C9orf40: variants seen among roughly 807,000 people sequenced by gnomAD.
The protein encoded by C9orf40 is uncharacterized protein C9orf40.
A neutral mutation model predicts 7.9 loss-of-function variants in C9orf40; 2 were observed. The ratio of observed to expected loss-of-function variants is 0.25; its 90% CI spans 0.10 to 0.80. The LOEUF is 0.80. Ranked by LOEUF, C9orf40 falls within the 30% of genes least tolerant of loss-of-function variation. The pLI, the probability that C9orf40 is intolerant of heterozygous loss-of-function variation, is 0.68. For synonymous variants in C9orf40, 113 were observed against 117.6 expected, an observed-to-expected ratio of 0.96 and a Z score of 0.25; for missense variants, 256 against 268.5, an observed-to-expected ratio of 0.95 and a Z score of 0.33.
At chr9:74,948,321 T>C in intron 1 of C9orf40, 115 bp from the exon 2 acceptor site, 1 of 625,934 alleles carries the variant, frequency 1.6e-6, no homozygotes, top group Non-Finnish European at 2.6e-6. Context: ...TAATCTTCTA[T>C]TTTGTATTTT....
chr9:74,948,771 G>C (rs1181758012), intron 1 of C9orf40, among the ~76,000 whole-genome samples: 1 of 152,146 alleles, frequency 6.6e-6, no homozygotes, highest in Non-Finnish European at 1.5e-5. Context: ...ACATGACCTA[G>C]TGGCTACTGT....
chr9:74,948,733 A>G (rs1334057949), intron 1 of C9orf40, among the ~76,000 whole-genome samples: 1 of 151,988 alleles, frequency 6.6e-6, no homozygotes, highest in African/African-American at 2.4e-5. Context: ...TTTATTAAAG[A>G]TAAAAAAAAA....
At chr9:74,951,428 A>T (rs1172981225) in intron 1 of C9orf40, among the ~76,000 whole-genome samples, 2 of 152,024 alleles carry the variant, frequency 1.3e-5, no homozygotes, top group African/African-American at 4.8e-5. Context: ...AGTAGCTGTG[A>T]TTACGGGCAT....
In C9orf40 at chr9:74,952,269, C is replaced by A. The variant is rs2118682106; in HGVS notation, c.343G>T (p.Ala115Ser). 7.9e-7 allele frequency: 1 copy of A among 1,266,330 alleles called. No individual in the cohort carries two copies. The highest frequency in any genetic ancestry group is 1.6e-5 in the African/African-American group (1 of 64,386). 78.4% of individuals were successfully genotyped at this position (1,266,330 alleles called of 1,614,324 possible). Residue 115 changes from alanine to serine, a missense_variant, in exon 1 of 2, where the codon GCC (alanine) becomes TCC (serine). By Grantham distance (99) the Ala-to-Ser change is moderately conservative (BLOSUM62 1). Coordinates refer to ENST00000376854, the MANE Select transcript of C9orf40 (RefSeq NM_017998.3). This position sits in a 1 kb window ranked among gnomAD's most constrained non-coding sequence, Gnocchi z 5.4. ...TCGCCACCGCCCCCCGGGAGCCGGG[C>A]GCCCGGGAGCTCCTCCCCCGGCCCC... ...LPGPGEELPG[A>S]RLPGGGGDDG...
chr9:74,952,177 A>AACAGGG lies in C9orf40; in HGVS notation c.426+8_426+9insCCCTGT. On this transcript the variant is annotated intron_variant, in intron 1 of 1. Coordinates refer to ENST00000376854, the MANE Select transcript of C9orf40 (RefSeq NM_017998.3). The surrounding 1 kb of genome is among the most constrained non-coding windows in gnomAD (Gnocchi z 5.4). The stretch of plus-strand genomic sequence containing the variant: ...TTCGCCCCTCAGCCCACCCGCCCCC[A>AACAGGG]GCCCCTACCTGGCGCGATGCGACCC... 1 of 105,402 alleles carries AACAGGG rather than the reference A, an allele frequency of 9.5e-6. No individual in the cohort carries two copies. The highest frequency in any genetic ancestry group is 1.6e-5 in the Non-Finnish European group (1 of 64,288). 6.5% of individuals were successfully genotyped at this position (105,402 alleles called of 1,614,324 possible).
Position 74,952,904 on chromosome 9 carries a change from G to C in C9orf40, c.-293C>G. ...TCGAACCTGCGCACAACGTGCGCGC[G>C]CGCACTCTGTCTGGCCAGGCGGAGC... On this transcript the variant is annotated 5_prime_UTR_variant, in exon 1 of 2. Transcript: ENST00000376854. The surrounding 1 kb of genome is among the most constrained non-coding windows in gnomAD (Gnocchi z 5.4). 2.6e-6 allele frequency: 1 copy of C among 389,018 alleles called. No individual in the cohort carries two copies. The highest frequency in any genetic ancestry group is 4.6e-6 in the Non-Finnish European group (1 of 216,414). The allele number at this position is 389,018 out of a possible 1,614,324, so 24.1% of individuals were successfully genotyped here. A position where few individuals can be genotyped will look rare whatever the true frequency, so the allele number is the denominator to read the frequency against.
Position 74,948,117 on chromosome 9 carries a change from A to G in C9orf40, c.516T>C (p.Ser172=). The part of the protein sequence containing the change: ...PIDLADIEDL[S]EDTLTEATLQ... ...GTGTTGCTTCTGTCAGGGTGTCTTC[A>G]CTTAAATCTTCAATGTCTGCCAGAT... is the stretch of plus-strand genomic sequence containing the variant. The change falls in exon 2 of 2, where the codon AGT becomes AGC. Residue 172 remains serine (S), a synonymous_variant. Coordinates refer to ENST00000376854, the MANE Select transcript of C9orf40 (RefSeq NM_017998.3). 1 of 1,614,084 alleles carries G rather than the reference A, an allele frequency of 6.2e-7. No individual in the cohort carries two copies. The highest frequency in any genetic ancestry group is 8.5e-7 in the Non-Finnish European group (1 of 1,179,954).
At position 74,952,292 on chromosome 9, in the gene C9orf40, C is replaced by T. The variant is rs1832310974; in HGVS notation, c.320G>A (p.Gly107Glu). ...PPLPPPPVLP[G>E]PGEELPGARL... ...GGCGCCCGGGAGCTCCTCCCCCGGCCCCGGCAGTACGGGCGGCGGCGGCAG... is the reference window on the plus strand; with the variant it reads ...GGCGCCCGGGAGCTCCTCCCCCGGCTCCGGCAGTACGGGCGGCGGCGGCAG... The change falls in exon 1 of 2, where the codon GGG (glycine) becomes GAG (glutamate). Residue 107 changes from glycine to glutamate, a missense_variant. Coordinates refer to ENST00000376854, the MANE Select transcript of C9orf40 (RefSeq NM_017998.3). The surrounding 1 kb of genome is among the most constrained non-coding windows in gnomAD (Gnocchi z 5.4). 3.8e-6 allele frequency: 5 copies of T among 1,326,494 alleles called. No individual in the cohort carries two copies. In the African/African-American group the frequency reaches 4.5e-5, roughly 12 times the overall value. The allele number at this position is 1,326,494 out of a possible 1,614,324, so 82.2% of individuals were successfully genotyped here.
chr9:74,947,563 C>T lies in C9orf40; in HGVS notation c.*485G>A, dbSNP rs993094657. The T allele has an allele frequency of 6.5e-6, 1 of 152,676 alleles. No individual in the cohort carries two copies. The highest frequency in any genetic ancestry group is 2.4e-5 in the African/African-American group (1 of 41,410). 9.5% of individuals were successfully genotyped at this position (152,676 alleles called of 1,614,324 possible). A position where few individuals can be genotyped will look rare whatever the true frequency, so the allele number is the denominator to read the frequency against. On this transcript the variant is annotated 3_prime_UTR_variant, in exon 2 of 2. Coordinates refer to ENST00000376854, the MANE Select transcript of C9orf40 (RefSeq NM_017998.3). ...TAAAACAATAGCTTTTACAACAATC[C>T]CGCCCATCTTAAGTTTGCATAGATG...
rs1832309268 is a variant in C9orf40 at position 74,952,207 on chromosome 9, G to A, written c.405C>T (p.Asp135=). 6 of 525,046 alleles carry A rather than the reference G, an allele frequency of 1.1e-5. No individual in the cohort carries two copies. The highest frequency in any genetic ancestry group is 1.4e-5 in the Non-Finnish European group (6 of 425,108). The allele number at this position is 525,046 out of a possible 1,614,324, so 32.5% of individuals were successfully genotyped here. The change falls in exon 1 of 2, where the codon GAC becomes GAT. Residue 135 remains aspartate (D), a synonymous_variant. Coordinates refer to ENST00000376854, the MANE Select transcript of C9orf40 (RefSeq NM_017998.3). The surrounding 1 kb of genome is among the most constrained non-coding windows in gnomAD (Gnocchi z 5.4). ...CTACCTGGCGCGATGCGACCCCCCA[G>A]TCTCCCCGCGGGGGTCCTGCGCGCC... ...GAGRAGPPRG[D]WGVASRQHNE...
chr9:74,952,378 G>T lies in C9orf40; in HGVS notation c.234C>A (p.Asp78Glu). ...ASPSKRRDSG[D>E]NSAPSGQERE... ...GCTCCTGGCCGCTCGGGGCGCTGTT[G>T]TCCCCGCTGTCACGGCGCTTGCTGG... The change falls in exon 1 of 2, where the codon GAC becomes GAA. Residue 78 changes from aspartate to glutamate, a missense_variant. By Grantham distance (45) the Asp-to-Glu change is conservative. Coordinates refer to ENST00000376854, the MANE Select transcript of C9orf40 (RefSeq NM_017998.3). The surrounding 1 kb of genome is among the most constrained non-coding windows in gnomAD (Gnocchi z 5.4). The T allele has an allele frequency of 6.4e-7, 1 of 1,570,828 alleles. No individual in the cohort carries two copies. Among genetic ancestry groups the T allele is most frequent in the Non-Finnish European group, 8.6e-7 (1 of 1,166,900 alleles).
chr9:74,949,075 G>A (rs1832272671), intron 1 of C9orf40, among the ~76,000 whole-genome samples: 1 of 152,122 alleles, frequency 6.6e-6, no homozygotes, highest in Non-Finnish European at 1.5e-5. Flanking sequence ...TAACTCCACC[G>A]CCCACTAACT....
chr9:74,947,258 G>A lies in C9orf40; in HGVS notation c.*790C>T, dbSNP rs1447019763. 2.0e-5 allele frequency: 3 copies of A among 152,632 alleles called. No homozygotes were observed. Among genetic ancestry groups the A allele is most frequent in the African/African-American group, 7.2e-5 (3 of 41,444 alleles). 9.5% of individuals were successfully genotyped at this position (152,632 alleles called of 1,614,324 possible). A position where few individuals can be genotyped will look rare whatever the true frequency, so the allele number is the denominator to read the frequency against. ...CTCTCAAGAGTGAGGCCCAGGCAAA[G>A]ATTTTTAAAGTGCTGTCAGTGTTGA... On this transcript the variant is annotated 3_prime_UTR_variant, in exon 2 of 2. Coordinates refer to ENST00000376854, the MANE Select transcript of C9orf40 (RefSeq NM_017998.3).
Position 74,948,259 on chromosome 9 carries a change from G to C in C9orf40, c.427-53C>G, listed in dbSNP as rs571197009. The C allele has an allele frequency of 6.1e-5, 83 of 1,354,726 alleles. No individual in the cohort carries two copies. In the African/African-American group the frequency reaches 1.1e-3, roughly 18 times the overall value. The allele number at this position is 1,354,726 out of a possible 1,614,324, so 83.9% of individuals were successfully genotyped here. A position where few individuals can be genotyped will look rare whatever the true frequency, so the allele number is the denominator to read the frequency against. ...GCATCAATAGCTTAGAAAAAATTAA[G>C]TTTTTTTCAGAAAACAAATTTGTTT... On this transcript the variant is annotated intron_variant, in intron 1 of 1. Transcript: ENST00000376854.
intron 1 of C9orf40, among the ~76,000 whole-genome samples, chr9:74,951,818 T>G (rs1034816678): frequency 6.6e-6 from 1 of 152,206 alleles, no homozygotes; most frequent in Non-Finnish European, 1.5e-5. Context: ...CCTCTACACC[T>G]TTATCTGTCG....
chr9:74,952,294 C>A lies in C9orf40; in HGVS notation c.318G>T (p.Pro106=). The change falls in exon 1 of 2, where the codon CCG becomes CCT. Residue 106 remains proline (P), a synonymous_variant. Coordinates refer to ENST00000376854, the MANE Select transcript of C9orf40 (RefSeq NM_017998.3). This position sits in a 1 kb window ranked among gnomAD's most constrained non-coding sequence, Gnocchi z 5.4. ...CGCCCGGGAGCTCCTCCCCCGGCCC[C>A]GGCAGTACGGGCGGCGGCGGCAGCG... ...DPPLPPPPVL[P]GPGEELPGAR... 1 of 1,342,432 alleles carries A rather than the reference C, an allele frequency of 7.4e-7. No homozygotes were observed. 83.2% of individuals were successfully genotyped at this position (1,342,432 alleles called of 1,614,324 possible).
In C9orf40 at chr9:74,952,474, G is replaced by C; in HGVS notation, c.138C>G (p.Leu46=). Residue 46 remains leucine (L), a synonymous_variant, in exon 1 of 2, where the codon CTC becomes CTG. Transcript: ENST00000376854. This position sits in a 1 kb window ranked among gnomAD's most constrained non-coding sequence, Gnocchi z 5.4. ...RPPGVAHAGQ[L]LGVPEQHRKR... is the part of the protein sequence containing the mutation. ...TTCGGTGCTGCTCTGGGACGCCGAGGAGCTGCCCAGCATGCGCGACCCCGG... is the reference window on the plus strand; with the variant it reads ...TTCGGTGCTGCTCTGGGACGCCGAGCAGCTGCCCAGCATGCGCGACCCCGG... The C allele has an allele frequency of 1.3e-6, 2 of 1,598,752 alleles. No individual in the cohort carries two copies. Among genetic ancestry groups the C allele is most frequent in the Non-Finnish European group, 1.7e-6 (2 of 1,178,492 alleles).
chr9:74,948,406 T>G (rs1490397675), intron 1 of C9orf40, among the ~76,000 whole-genome samples, 200 bp from the exon 2 acceptor site: 1 of 152,206 alleles, frequency 6.6e-6, no homozygotes, highest in Non-Finnish European at 1.5e-5. Context: ...ATTTTAATAT[T>G]TACAATTTGT....
Position 74,952,133 on chromosome 9 carries a change from T to G in C9orf40, c.426+53A>C, listed in dbSNP as rs944270610. On this transcript the variant is annotated intron_variant, in intron 1 of 1. Transcript: ENST00000376854. The surrounding 1 kb of genome is among the most constrained non-coding windows in gnomAD (Gnocchi z 5.4). ...TGGGAACCGGGGCGTTTTGTGTGTG[T>G]GGGGAAAAGGCAAGCCCCTTCGCCC... 2.9e-5 allele frequency: 18 copies of G among 626,856 alleles called. No individual in the cohort carries two copies. Among genetic ancestry groups the G allele is most frequent in the African/African-American group, 5.6e-5 (3 of 53,142 alleles). The allele number at this position is 626,856 out of a possible 1,614,324, so 38.8% of individuals were successfully genotyped here. A position where few individuals can be genotyped will look rare whatever the true frequency, so the allele number is the denominator to read the frequency against.
Sources: gnomAD v4.1 joint callset for allele counts (sites outside exome capture counted in the v4.1 genomes callset) on GRCh38, gnomAD v4.1.1 for gene constraint, Gnocchi (gnomAD v3.1) non-coding constraint, MANE v1.5 for transcripts, NCBI Gene and HGNC (gene_info 2026-07-23, HGNC 2026-07-21) for gene names.